The following MAGI2 variants were observed in gnomAD, a reference collection of about 807,000 sequenced individuals.
The protein encoded by MAGI2 is membrane-associated guanylate kinase, WW and PDZ domain-containing protein 2.
Under a neutral mutation model 133.3 loss-of-function variants are expected in MAGI2, and 35 were observed. The observed-to-expected ratio is 0.26, with a 90% CI of 0.20 to 0.35. The LOEUF (loss-of-function observed/expected upper bound fraction) is 0.35, where lower values mean the gene tolerates loss of function less well. Ranked by LOEUF, MAGI2 falls within the 10% of genes least tolerant of loss-of-function variation. The pLI, the probability that MAGI2 is intolerant of heterozygous loss-of-function variation, is 1.00. For missense variants in MAGI2, 1,636 were observed against 1,863.4 expected, an observed-to-expected ratio of 0.88 and a Z score of 2.25; for synonymous variants, 729 against 710.6, an observed-to-expected ratio of 1.03 and a Z score of -0.41.
intron 1 of MAGI2, among the ~76,000 whole-genome samples, chr7:79,081,090 A>G (rs1331165012): frequency 1.3e-5 from 2 of 151,762 alleles, no homozygotes; most frequent in African/African-American, 2.4e-5. Flanking sequence ...CACCCACCCA[A>G]CCCCTGACTT....
chr7:78,133,097 T>A, intron 17 of MAGI2, 37 bp from the exon 18 acceptor site: 1 of 1,487,936 alleles, frequency 6.7e-7, no homozygotes, highest in Non-Finnish European at 9.0e-7. Context: ...TGCAGTCAGG[T>A]TAGTGTTGAT....
intron 1 of MAGI2, among the ~76,000 whole-genome samples, chr7:79,211,745 T>A (rs570956199): frequency 5.8e-4 from 89 of 152,194 alleles, no homozygotes; most frequent in Admixed American, 1.4e-3. Context: ...GATAATTAAT[T>A]TTGTAAAATG....
intron 1 of MAGI2, among the ~76,000 whole-genome samples, chr7:79,128,478 T>A (rs926299134): frequency 2.0e-4 from 30 of 152,242 alleles, no homozygotes; most frequent in African/African-American, 7.0e-4. Context: ...AGTGTCACTG[T>A]CACTGTGATC....
At chr7:79,225,993 G>A (rs1413403470) in intron 1 of MAGI2, among the ~76,000 whole-genome samples, 1 of 152,166 alleles carries the variant, frequency 6.6e-6, no homozygotes, top group Admixed American at 6.6e-5. Context: ...TGTAAGAGTT[G>A]TATACCACTT....
intron 9 of MAGI2, among the ~76,000 whole-genome samples, chr7:78,340,741 C>T (rs539812041): frequency 2.7e-4 from 41 of 152,106 alleles, no homozygotes; most frequent in African/African-American, 7.9e-4. Context: ...AAAAGGCCTT[C>T]GAGAAAATTC....
At chr7:79,206,068 C>T (rs1291155301) in intron 1 of MAGI2, among the ~76,000 whole-genome samples, 1 of 151,210 alleles carries the variant, frequency 6.6e-6, no homozygotes, top group Non-Finnish European at 1.5e-5. Context: ...ATATGAGATA[C>T]AGCAAAAGCA....
intron 20 of MAGI2, among the ~76,000 whole-genome samples, chr7:78,108,097 A>C (rs1818884323): frequency 1.3e-5 from 2 of 151,734 alleles, no homozygotes; most frequent in Non-Finnish European, 2.9e-5. Flanking sequence ...TACTTTTTTG[A>C]TGCAGGCACT....
intron 20 of MAGI2, among the ~76,000 whole-genome samples, chr7:78,085,448 A>G (rs1816510307): frequency 6.6e-6 from 1 of 151,972 alleles, no homozygotes; most frequent in South Asian, 2.1e-4. Flanking sequence ...ACTTGAGCCC[A>G]GGAGTTCGAG....
rs17149603 is a variant in MAGI2 at position 78,171,315 on chromosome 7, C to T, written c.2404-3207G>A. ...CATTCTCATGTTGCTTAAGCTTTTG[C>T]GAACATGCTTCAGGATATCTGACCC... On this transcript the variant is annotated intron_variant, in intron 14 of 21. Coordinates refer to ENST00000354212, the MANE Select transcript of MAGI2 (RefSeq NM_012301.4). Among the ~76,000 whole-genome samples, 777 of 152,250 alleles carry T rather than the reference C, an allele frequency of 5.1e-3. 7 individuals carry two copies. The highest frequency in any genetic ancestry group is 0.044 in the East Asian group (229 of 5,186).
chr7:79,297,034 A>G (rs1259536647), intron 1 of MAGI2, among the ~76,000 whole-genome samples: 3 of 152,150 alleles, frequency 2.0e-5, no homozygotes, highest in Non-Finnish European at 4.4e-5. Flanking sequence ...AAATAAAGTA[A>G]AACAAAAAAT....
At chr7:78,091,748 A>G (rs948299701) in intron 20 of MAGI2, among the ~76,000 whole-genome samples, 1 of 152,234 alleles carries the variant, frequency 6.6e-6, no homozygotes, top group Non-Finnish European at 1.5e-5. Context: ...GAGTGGGGAG[A>G]AAGGCACAAT....
chr7:79,323,705 A>G (rs1448252791), intron 1 of MAGI2, among the ~76,000 whole-genome samples: 1 of 152,192 alleles, frequency 6.6e-6, no homozygotes, highest in Non-Finnish European at 1.5e-5. Context: ...GGTAGGAAAA[A>G]GGGGTTAGAA....
chr7:78,970,425 A>G (rs1803689063), intron 2 of MAGI2, among the ~76,000 whole-genome samples: 2 of 152,046 alleles, frequency 1.3e-5, no homozygotes, highest in African/African-American at 4.8e-5. Flanking sequence ...TCATAAAGTC[A>G]TTCTTCATAT....
chr7:79,028,245 ATATATATATATATATATATATATG>A (rs1810131030), intron 1 of MAGI2, among the ~76,000 whole-genome samples: 1 of 96,250 alleles, frequency 1.0e-5, no homozygotes, highest in African/African-American at 4.2e-5. Context: ...GTATATATAT[ATATATATATATATATATATATATG>A]TATGTATGTA....
intron 8 of MAGI2, 21 bp downstream of exon 8, chr7:78,345,901 A>G (rs753744790): frequency 6.2e-7 from 1 of 1,610,478 alleles, no homozygotes; most frequent in South Asian, 1.1e-5. Flanking sequence ...TTGAAACATC[A>G]CATGCTGACA....
chr7:78,942,880 G>A, intron 2 of MAGI2, among the ~76,000 whole-genome samples: 1 of 142,946 alleles, frequency 7.0e-6, no homozygotes, highest in African/African-American at 2.7e-5. Context: ...CAGAATCTAG[G>A]GCGTAGTAAG....
chr7:78,402,161 T>G (rs1796931145), intron 6 of MAGI2, among the ~76,000 whole-genome samples: 1 of 152,212 alleles, frequency 6.6e-6, no homozygotes, highest in Admixed American at 6.5e-5. Flanking sequence ...AGCACTGTGC[T>G]TGACACCTAG....
intron 1 of MAGI2, among the ~76,000 whole-genome samples, chr7:79,420,652 TA>T (rs1380140223): frequency 6.6e-6 from 1 of 152,002 alleles, no homozygotes; most frequent in Non-Finnish European, 1.5e-5. Context: ...CAGGCTAAAA[TA>T]AAGTCTTCAA....
chr7:79,345,025 T>C (rs1362720195), intron 1 of MAGI2, among the ~76,000 whole-genome samples: 1 of 152,094 alleles, frequency 6.6e-6, no homozygotes, highest in Non-Finnish European at 1.5e-5. Flanking sequence ...AGAATGTCCA[T>C]ATCCATCTAT....
Sources: allele counts gnomAD v4.1 joint callset (sites outside exome capture counted in the v4.1 genomes callset), GRCh38; gene constraint gnomAD v4.1.1; transcripts MANE v1.5; gene names NCBI Gene and HGNC (gene_info 2026-07-23, HGNC 2026-07-21).